Variants in ANGPT2 observed in about 807,000 individuals in gnomAD.
ANGPT2 encodes the protein angiopoietin 2, also known as angiopoietin-2.
Under a neutral mutation model 62.9 loss-of-function variants are expected in ANGPT2, and 28 were observed. The ratio of observed to expected loss-of-function variants is 0.44; its 90% CI spans 0.33 to 0.61. The LOEUF (loss-of-function observed/expected upper bound fraction) is 0.61. ANGPT2 is among the 20% of genes least tolerant of loss of function. The probability of loss-of-function intolerance (pLI) is 0.03; values close to 1 mark genes in which losing one functional copy is unlikely to be tolerated. For synonymous variants in ANGPT2, 284 were observed against 207.8 expected, an observed-to-expected ratio of 1.37 and a Z score of -3.15; for missense variants, 727 against 594.9, an observed-to-expected ratio of 1.22 and a Z score of -2.31.
Position 6,505,292 on chromosome 8 carries a change from TAC to T in ANGPT2, c.1328-2033_1328-2032del, listed in dbSNP as rs1563305670. 2.4e-3 allele frequency among the ~76,000 whole-genome samples: 169 copies of T among 69,926 alleles called. 18 individuals are homozygous for T. The highest frequency in any genetic ancestry group is 0.013 in the African/African-American group (151 of 11,406). The allele number at this position is 69,926 out of a possible 152,430, so 45.9% of individuals were successfully genotyped here. ...TATATGTATACATATATATGTTATATACATATATATGTATATAACATATATAT... is the reference window on the plus strand; with the variant it reads ...TATATGTATACATATATATGTTATATATATATATGTATATAACATATATAT... On this transcript the variant is annotated intron_variant, in intron 8 of 8. Transcript: ENST00000629816.
At chr8:6,544,439 C>T (rs944197473) in intron 1 of ANGPT2, among the ~76,000 whole-genome samples, 2 of 152,090 alleles carry the variant, frequency 1.3e-5, no homozygotes, top group East Asian at 3.8e-4. Flanking sequence ...CTTCCAAGAC[C>T]TCCTAACCCA....
chr8:6,558,609 C>G (rs967619571), intron 1 of ANGPT2, among the ~76,000 whole-genome samples: 1 of 152,074 alleles, frequency 6.6e-6, no homozygotes, highest in Non-Finnish European at 1.5e-5. Context: ...TGATTAAAAT[C>G]AGAAGATTTT....
rs1212395463 is a variant in ANGPT2, at chr8:6,532,467, G to A, written c.309C>T (p.Asp103=). ...WLMKLENYIQ[D]NMKKEMVEIQ... ...TCTCTACCATTTCTTTCTTCATGTTGTCCTGGATATAATTCTCAAGCTAGA... is the reference window on the plus strand; with the variant it reads ...TCTCTACCATTTCTTTCTTCATGTTATCCTGGATATAATTCTCAAGCTAGA... The change falls in exon 2 of 9, where the codon GAC becomes GAT. Residue 103 remains aspartate, a synonymous_variant. Transcript: ENST00000629816. The A allele has an allele frequency of 6.2e-7, 1 of 1,612,120 alleles. No homozygotes were observed.
chr8:6,506,874 C>G (rs749400698), intron 8 of ANGPT2, among the ~76,000 whole-genome samples: 5 of 150,306 alleles, frequency 3.3e-5, no homozygotes, highest in Non-Finnish European at 7.4e-5. Context: ...ATTTTCATTA[C>G]TAAATCCTCC....
rs768462070 is a variant in ANGPT2 at position 6,521,392 on chromosome 8, C to T, written c.585G>A (p.Val195=). The change falls in exon 4 of 9, where the codon GTG becomes GTA. Residue 195 remains valine (V), a synonymous_variant. Coordinates refer to ENST00000629816, the MANE Select transcript of ANGPT2 (RefSeq NM_001118887.2). ...TGATGTGCTTGTCTTCCATAGCTAGCACCTTCTTTTCTAGGAAACTTGTAA... is the reference window on the plus strand; with the variant it reads ...TGATGTGCTTGTCTTCCATAGCTAGTACCTTCTTTTCTAGGAAACTTGTAA... ...QDKNSFLEKK[V]LAMEDKHIIQ... The T allele has an allele frequency of 1.9e-6, 3 of 1,610,744 alleles. No individual in the cohort carries two copies. The highest frequency in any genetic ancestry group is 2.5e-6 in the Non-Finnish European group (3 of 1,178,954).
chr8:6,558,963 C>G (rs1488509843), intron 1 of ANGPT2, among the ~76,000 whole-genome samples: 1 of 151,864 alleles, frequency 6.6e-6, no homozygotes, highest in Admixed American at 6.6e-5. Flanking sequence ...GTTGCAGTTC[C>G]CCTACCATAG....
chr8:6,511,424 T>C (rs1411326838), intron 7 of ANGPT2, among the ~76,000 whole-genome samples: 1 of 152,218 alleles, frequency 6.6e-6, no homozygotes, highest in African/African-American at 2.4e-5. Context: ...AAGTGATGAA[T>C]TTTTAAGATT....
In ANGPT2 at chr8:6,518,050, A is replaced by C. The variant is rs147400954; in HGVS notation, c.927+1814T>G. ...TAATCCCAGAGTACTATATATTTTCATCTTTCTGCAGAATATTTCAGTTAT... is the reference window on the plus strand; with the variant it reads ...TAATCCCAGAGTACTATATATTTTCCTCTTTCTGCAGAATATTTCAGTTAT... On this transcript the variant is annotated intron_variant, in intron 5 of 8. Transcript: ENST00000629816. Among the ~76,000 whole-genome samples, 1,021 of 152,198 alleles carry C rather than the reference A, an allele frequency of 6.7e-3. 10 individuals are homozygous for C. The highest frequency in any genetic ancestry group is 0.024 in the African/African-American group (995 of 41,518).
At chr8:6,545,074 G>T (rs190538782) in intron 1 of ANGPT2, among the ~76,000 whole-genome samples, 1 of 152,222 alleles carries the variant, frequency 6.6e-6, no homozygotes, top group East Asian at 1.9e-4. Flanking sequence ...GGTCACAGAA[G>T]CCACACCCTA....
At chr8:6,544,478 T>C (rs555780234) in intron 1 of ANGPT2, among the ~76,000 whole-genome samples, 1 of 152,290 alleles carries the variant, frequency 6.6e-6, no homozygotes, top group East Asian at 1.9e-4. Context: ...CTACAAAATA[T>C]ATGTTACGTC....
chr8:6,551,520 A>C (rs1823649672), intron 1 of ANGPT2, among the ~76,000 whole-genome samples: 1 of 152,200 alleles, frequency 6.6e-6, no homozygotes, highest in Non-Finnish European at 1.5e-5. Context: ...CAAAATCACC[A>C]GTTGTTGTTT....
intron 1 of ANGPT2, among the ~76,000 whole-genome samples, chr8:6,534,984 T>C (rs1057187825): frequency 6.6e-6 from 1 of 152,200 alleles, no homozygotes; most frequent in African/African-American, 2.4e-5. Context: ...TAGTTACTCC[T>C]CACAGCACCC....
At chr8:6,508,573 C>A in intron 8 of ANGPT2, 1 of 415,176 alleles carries the variant, frequency 2.4e-6, no homozygotes, top group Non-Finnish European at 4.2e-6. Context: ...GTTGTGGTTG[C>A]TACTTGGAAT....
intron 1 of ANGPT2, among the ~76,000 whole-genome samples, chr8:6,536,857 GTC>G (rs1820593604): frequency 6.6e-6 from 1 of 151,194 alleles, no homozygotes; most frequent in Non-Finnish European, 1.5e-5. Flanking sequence ...GTCCTAGAAT[GTC>G]TTTCTGTTTA....
chr8:6,509,151 A>T, intron 7 of ANGPT2, 89 bp from the exon 8 acceptor site: 1 of 1,512,522 alleles, frequency 6.6e-7, no homozygotes, highest in Non-Finnish European at 8.9e-7. Flanking sequence ...ATTCCATTCT[A>T]CAGAAGCGTG....
At chr8:6,562,571 T>TTTTTTTTTTTTTTTTTTTTTTTTAAAAAA in intron 1 of ANGPT2, 76 bp downstream of exon 1, 1 of 417,078 alleles carries the variant, frequency 2.4e-6, no homozygotes, top group Non-Finnish European at 4.0e-6. Flanking sequence ...TTTTTTTTTT[T>TTTTTTTTTTTTTTTTTTTTTTTTAAAAAA]GGTTGTTAAA....
At chr8:6,553,623 G>A (rs1287990550) in intron 1 of ANGPT2, among the ~76,000 whole-genome samples, 1 of 152,028 alleles carries the variant, frequency 6.6e-6, no homozygotes, top group Non-Finnish European at 1.5e-5. Context: ...AATTCCTGAG[G>A]CTGGCTGGGG....
rs1812018350 is a variant in ANGPT2 at position 6,500,788 on chromosome 8, A to C, written c.*2313T>G. The C allele has an allele frequency of 6.6e-6, 1 of 152,216 alleles. No individual in the cohort carries two copies. The highest frequency in any genetic ancestry group is 1.5e-5 in the Non-Finnish European group (1 of 68,042). 9.4% of individuals were successfully genotyped at this position (152,216 alleles called of 1,614,324 possible). On this transcript the variant is annotated 3_prime_UTR_variant, in exon 9 of 9. Transcript: ENST00000629816. ...TGTAAGGAATTGAAGTGTAAAGTAAAAACACAAATTCCCCCCATTCTCGCT... is the reference window on the plus strand; with the variant it reads ...TGTAAGGAATTGAAGTGTAAAGTAACAACACAAATTCCCCCCATTCTCGCT...
intron 8 of ANGPT2, among the ~76,000 whole-genome samples, chr8:6,504,726 G>T (rs533315622): frequency 6.6e-6 from 1 of 152,254 alleles, no homozygotes; most frequent in African/African-American, 2.4e-5. Context: ...TTATATCCAT[G>T]AAATTGGAAG....
Sources: allele counts gnomAD v4.1 joint callset (sites outside exome capture counted in the v4.1 genomes callset), GRCh38; gene constraint gnomAD v4.1.1; transcripts MANE v1.5; gene names NCBI Gene and HGNC (gene_info 2026-07-23, HGNC 2026-07-21).